KALRN: variants seen among roughly 807,000 people sequenced by gnomAD.
KALRN encodes kalirin RhoGEF kinase, also known as kalirin.
KALRN carries 70 observed loss-of-function variants against 353.7 expected under a neutral mutation model. That is an observed-to-expected ratio of 0.20 (90% CI 0.16 to 0.24). KALRN has a LOEUF of 0.24. Ranked by LOEUF, KALRN falls within the 10% of genes least tolerant of loss-of-function variation. KALRN has a pLI of 1.00. For missense variants in KALRN, 2,791 were observed against 3,756.7 expected (o/e 0.74, Z 6.72); for synonymous variants, 1,391 against 1,434.8 (o/e 0.97, Z 0.69).
At chr3:124,038,482 T>C (rs2039634661) in intron 1 of KALRN, among the ~76,000 whole-genome samples, 1 of 151,912 alleles carries the variant, frequency 6.6e-6, no homozygotes, top group Non-Finnish European at 1.5e-5. Context: ...AGAGGAAAAA[T>C]TGAGGAGGCT....
intron 1 of KALRN, among the ~76,000 whole-genome samples, chr3:124,129,307 G>C (rs952712134): frequency 1.3e-5 from 2 of 152,104 alleles, no homozygotes; most frequent in South Asian, 2.1e-4. Flanking sequence ...TGCTCTGCTA[G>C]AGGGCAGAGC....
chr3:124,230,350 C>T (rs2079008362), intron 2 of KALRN, among the ~76,000 whole-genome samples: 1 of 152,198 alleles, frequency 6.6e-6, no homozygotes, highest in Admixed American at 6.5e-5. Context: ...TACTTTACCT[C>T]CTCCAGGAGA....
intron 8 of KALRN, among the ~76,000 whole-genome samples, chr3:124,333,901 C>T (rs958210232): frequency 2.0e-5 from 3 of 152,160 alleles, no homozygotes; most frequent in Non-Finnish European, 4.4e-5. Flanking sequence ...CAAAAACAAA[C>T]AAACAAACAA....
At chr3:124,052,649 T>G (rs1461374083) in intron 1 of KALRN, among the ~76,000 whole-genome samples, 1 of 152,100 alleles carries the variant, frequency 6.6e-6, no homozygotes, top group East Asian at 1.9e-4. Flanking sequence ...TGCAGAACTC[T>G]CCTTTCTTCC....
intron 23 of KALRN, among the ~76,000 whole-genome samples, chr3:124,461,166 G>A (rs1318721222): frequency 1.3e-5 from 2 of 152,108 alleles, no homozygotes; most frequent in African/African-American, 2.4e-5. Flanking sequence ...ATTATCAAAA[G>A]AAGAATATTT....
intron 14 of KALRN, among the ~76,000 whole-genome samples, chr3:124,421,684 G>A (rs1369697504): frequency 1.3e-5 from 2 of 152,162 alleles, no homozygotes; most frequent in Non-Finnish European, 2.9e-5. Flanking sequence ...AGTTACTAGT[G>A]GAGAGAAGGA....
Position 124,529,466 on chromosome 3 carries a change from A to C in KALRN, c.4935+33053A>C, listed in dbSNP as rs1561228935. On this transcript the variant is annotated intron_variant, in intron 33 of 59. Transcript: ENST00000682506. The stretch of plus-strand genomic sequence containing the variant: ...GGTCTGATGCATGATCTGGTAGGCA[A>C]AACTCAAATCCAGAATCGAGGGCCA... 2.0e-5 allele frequency among the ~76,000 whole-genome samples: 3 copies of C among 152,170 alleles called. No homozygotes were observed. The East Asian group carries it at 5.8e-4, about 29-fold the overall frequency.
In KALRN at chr3:124,033,542, G is replaced by T. The variant is rs994985724; in HGVS notation, c.-199G>T. 6.6e-6 allele frequency among the ~76,000 whole-genome samples: 1 copy of T among 151,526 alleles called. No homozygotes were observed. The highest frequency in any genetic ancestry group is 1.5e-5 in the Non-Finnish European group (1 of 67,802). On this transcript the variant is annotated 5_prime_UTR_variant, in exon 1 of 60. Coordinates refer to ENST00000682506, the MANE Select transcript of KALRN (RefSeq NM_001388419.1). This position sits in a 1 kb window ranked among gnomAD's most constrained non-coding sequence, Gnocchi z 6.2. The stretch of plus-strand genomic sequence containing the variant: ...AGCTGGCGGCAGGCACCCCCAGCCC[G>T]CCGCGCGCCTCCGCCTGAGGGAGGC...
At chr3:124,638,566 A>G (rs561784451) in intron 37 of KALRN, among the ~76,000 whole-genome samples, 46 of 152,162 alleles carry the variant, frequency 3.0e-4, no homozygotes, top group Non-Finnish European at 6.0e-4. Context: ...TTTTTTTCTT[A>G]AAGTCATCCT....
At chr3:124,070,675 T>C (rs1162508444) in intron 1 of KALRN, among the ~76,000 whole-genome samples, 4 of 152,222 alleles carry the variant, frequency 2.6e-5, no homozygotes, top group Non-Finnish European at 1.5e-5. Flanking sequence ...GTTTCCTAAG[T>C]CTCAGTGCCT....
Position 124,650,000 on chromosome 3 carries a change from AT to A in KALRN, c.5665-807del, listed in dbSNP as rs1211269905. On this transcript the variant is annotated intron_variant, in intron 37 of 59. Coordinates refer to ENST00000682506, the MANE Select transcript of KALRN (RefSeq NM_001388419.1). ...AATAATAATAATAATAATAATAATA[AT>A]AATAAAGAATAGCCTTAGATTAGTC... is the stretch of plus-strand genomic sequence containing the variant. Among the ~76,000 whole-genome samples the A allele has an allele frequency of 1.1e-3, 161 of 149,216 alleles. 2 individuals carry two copies. The highest frequency in any genetic ancestry group is 1.5e-4 in the Non-Finnish European group (10 of 67,326).
chr3:124,398,881 G>T lies in KALRN; in HGVS notation c.2346+10G>T. Reference sequence around the variant, plus strand: ...GCAGTACACCATCGAGGTAGCAGGGGGCCAGGAGGGGAGGTGGAGAGGGGC... The same window carrying T: ...GCAGTACACCATCGAGGTAGCAGGGTGCCAGGAGGGGAGGTGGAGAGGGGC... On this transcript the variant is annotated intron_variant, in intron 13 of 59. Coordinates refer to ENST00000682506, the MANE Select transcript of KALRN (RefSeq NM_001388419.1). The T allele has an allele frequency of 6.3e-7, 1 of 1,591,872 alleles. No individual in the cohort carries two copies. The highest frequency in any genetic ancestry group is 8.6e-7 in the Non-Finnish European group (1 of 1,168,088).
intron 3 of KALRN, among the ~76,000 whole-genome samples, chr3:124,237,642 C>G (rs1260883760): frequency 6.6e-6 from 1 of 152,176 alleles, no homozygotes; most frequent in East Asian, 1.9e-4. Context: ...GGATTACAGG[C>G]ATGAGCCACC....
chr3:124,456,554 G>A, intron 22 of KALRN, 56 bp from the exon 23 acceptor site: 1 of 1,251,362 alleles, frequency 8.0e-7, no homozygotes, highest in South Asian at 1.3e-5. Flanking sequence ...CTCAACTCCA[G>A]TGAGTTGCTT....
At chr3:124,341,690 A>G (rs2081734773) in intron 9 of KALRN, among the ~76,000 whole-genome samples, 1 of 152,182 alleles carries the variant, frequency 6.6e-6, no homozygotes, top group South Asian at 2.1e-4. Flanking sequence ...ACATGTATTA[A>G]GCAACTACTC....
intron 33 of KALRN, among the ~76,000 whole-genome samples, chr3:124,524,481 A>G (rs1349694762): frequency 3.3e-5 from 5 of 152,224 alleles, no homozygotes; most frequent in Admixed American, 2.0e-4. Flanking sequence ...GAAGTTTCAT[A>G]TTGATGAAAG....
intron 37 of KALRN, among the ~76,000 whole-genome samples, chr3:124,638,947 T>G (rs1302492452): frequency 6.6e-6 from 1 of 152,226 alleles, no homozygotes; most frequent in Admixed American, 6.5e-5. Flanking sequence ...TTATTTTCAG[T>G]GACAGAGATA....
At chr3:124,501,207 G>A (rs2064485939) in intron 33 of KALRN, among the ~76,000 whole-genome samples, 1 of 152,134 alleles carries the variant, frequency 6.6e-6, no homozygotes, top group Non-Finnish European at 1.5e-5. Flanking sequence ...TGACTTGCTG[G>A]TACTCTTCTC....
intron 1 of KALRN, among the ~76,000 whole-genome samples, chr3:124,219,714 G>A (rs1476478328): frequency 6.6e-6 from 1 of 152,166 alleles, no homozygotes; most frequent in African/African-American, 2.4e-5. Context: ...GGAGGGGGAT[G>A]CTCCTTGGTC....
Sources: allele counts gnomAD v4.1 joint callset (sites outside exome capture counted in the v4.1 genomes callset), GRCh38; gene constraint gnomAD v4.1.1; non-coding constraint Gnocchi (gnomAD v3.1); transcripts MANE v1.5; gene names NCBI Gene and HGNC (gene_info 2026-07-23, HGNC 2026-07-21).